Variants in ZNF516 observed in about 807,000 individuals in gnomAD.
The protein encoded by ZNF516 is zinc finger protein 516.
A neutral mutation model predicts 79.7 loss-of-function variants in ZNF516; 19 were observed. The ratio of observed to expected loss-of-function variants is 0.24; its 90% confidence interval spans 0.17 to 0.35. ZNF516 has a LOEUF of 0.35. Among genes scored for constraint, ZNF516 ranks in the 10% least tolerant of loss-of-function variants. The pLI, the probability that ZNF516 is intolerant of heterozygous loss-of-function variation, is 1.00. For missense variants in ZNF516, 1,678 were observed against 1,679.5 expected, an observed-to-expected ratio of 1.00 and a Z score of 0.02; for synonymous variants, 877 against 739.5, an observed-to-expected ratio of 1.19 and a Z score of -3.02.
intron 1 of ZNF516, among the ~76,000 whole-genome samples, chr18:76,476,597 A>C (rs1277686069): frequency 6.6e-6 from 1 of 152,208 alleles, no homozygotes. Flanking sequence ...AGACATCTTA[A>C]AGCATATTAA....
rs144012703 is a variant in ZNF516, at chr18:76,367,448, A to G, written c.3432+3080T>C. Among the ~76,000 whole-genome samples, 245 of 152,308 alleles carry G rather than the reference A, an allele frequency of 1.6e-3. 2 individuals are homozygous for G. Among genetic ancestry groups the G allele is most frequent in the African/African-American group, 5.0e-3 (207 of 41,576 alleles). ...GGCTCTCTATCCCCTGTGGGAAGAAATTCAGAGTCTCAACAAGGAGACCTG... is the reference window on the plus strand; with the variant it reads ...GGCTCTCTATCCCCTGTGGGAAGAAGTTCAGAGTCTCAACAAGGAGACCTG... On this transcript the variant is annotated intron_variant, in intron 6 of 6. Transcript: ENST00000443185.
intron 1 of ZNF516, chr18:76,491,093 C>A: frequency 1.0e-6 from 1 of 985,158 alleles, no homozygotes; most frequent in South Asian, 4.7e-5. Context: ...GTCCTCGGGG[C>A]CACGCCTTTC....
intron 6 of ZNF516, among the ~76,000 whole-genome samples, chr18:76,368,034 TAATG>T (rs1245546045): frequency 3.3e-5 from 5 of 152,098 alleles, no homozygotes; most frequent in Non-Finnish European, 5.9e-5. Flanking sequence ...ATTTAAATAT[TAATG>T]AATGTTAGCA....
At chr18:76,372,751 T>G (rs1343047953) in intron 4 of ZNF516, 1 of 152,246 alleles carries the variant, frequency 6.6e-6, no homozygotes, top group Non-Finnish European at 1.5e-5. Context: ...TGACAGATCA[T>G]TAACATGAAT....
At chr18:76,380,360 G>GA (rs746558239) in intron 3 of ZNF516, 57 bp from the exon 4 acceptor site, 1,508 of 1,576,612 alleles carry the variant, frequency 9.6e-4, no homozygotes, top group Non-Finnish European at 1.2e-3. Flanking sequence ...AACACAGCAA[G>GA]ACACACGGTG....
At chr18:76,383,365 G>T (rs921668597) in intron 3 of ZNF516, among the ~76,000 whole-genome samples, 1 of 151,458 alleles carries the variant, frequency 6.6e-6, no homozygotes, top group Non-Finnish European at 1.5e-5. Context: ...AGGGACCCAG[G>T]ACCCTCTTCT....
At chr18:76,441,077 G>T (rs1437164442) in intron 3 of ZNF516, among the ~76,000 whole-genome samples, 168 bp downstream of exon 3, 1 of 152,218 alleles carries the variant, frequency 6.6e-6, no homozygotes, top group Non-Finnish European at 1.5e-5. Flanking sequence ...GGCCACCCGG[G>T]TGTGGAGTCC....
chr18:76,365,544 T>C (rs976913096), intron 6 of ZNF516, among the ~76,000 whole-genome samples: 2 of 152,280 alleles, frequency 1.3e-5, no homozygotes, highest in African/African-American at 4.8e-5. Flanking sequence ...TGAATGCTGA[T>C]GATTACTAGA....
At chr18:76,464,649 G>T (rs1913341965) in intron 1 of ZNF516, among the ~76,000 whole-genome samples, 1 of 147,262 alleles carries the variant, frequency 6.8e-6, no homozygotes, top group South Asian at 2.2e-4. Flanking sequence ...GGCACCCCCA[G>T]CCTTGTCATT....
chr18:76,427,705 G>C (rs900073534), intron 3 of ZNF516, among the ~76,000 whole-genome samples: 1 of 152,114 alleles, frequency 6.6e-6, no homozygotes, highest in South Asian at 2.1e-4. Context: ...GAAACCAACA[G>C]AACGTATTCA....
Position 76,467,001 on chromosome 18 carries a change from G to A in ZNF516, c.-271-3860C>T, listed in dbSNP as rs1227357949. Among the ~76,000 whole-genome samples, 1 of 152,186 alleles carries A rather than the reference G, an allele frequency of 6.6e-6. No individual in the cohort carries two copies. Among genetic ancestry groups the A allele is most frequent in the African/African-American group, 2.4e-5 (1 of 41,452 alleles). The stretch of plus-strand genomic sequence containing the variant: ...GAGGTGCAGGCAAAGGGCCCTGGGA[G>A]GCAGGGGGGCCCCAGAGAGGCAAAA... On this transcript the variant is annotated intron_variant, in intron 1 of 6. Transcript: ENST00000443185. This position sits in a 1 kb window ranked among gnomAD's most constrained non-coding sequence, Gnocchi z 4.2.
Position 76,441,388 on chromosome 18 carries a change from C to T in ZNF516, c.1667G>A (p.Cys556Tyr). ...CGAGTCACCCTCACTGAGTGATCCGCAGCGGGCCCGCGCCGCCCTGTCCCC... is the reference window on the plus strand; with the variant it reads ...CGAGTCACCCTCACTGAGTGATCCGTAGCGGGCCCGCGCCGCCCTGTCCCC... Reference protein sequence around the residue: ...SDGDRAARARCGSLSEGDSAS... With the variant: ...SDGDRAARARYGSLSEGDSAS... Residue 556 changes from cysteine to tyrosine, a missense_variant, in exon 3 of 7, where the codon TGC becomes TAC. Physicochemically the swap from Cys to Tyr is radical, Grantham distance 194. Coordinates refer to ENST00000443185, the MANE Select transcript of ZNF516 (RefSeq NM_014643.4). 6.2e-7 allele frequency: 1 copy of T among 1,610,082 alleles called. No homozygotes were observed. The highest frequency in any genetic ancestry group is 8.5e-7 in the Non-Finnish European group (1 of 1,178,836).
rs1358173471 is a variant in ZNF516 at position 76,442,280 on chromosome 18, G to T, written c.775C>A (p.Gln259Lys). ...ATGTGCGCCTTCAGGAACCAGGTCT[G>T]GCTGAAGGCCTGGCCACACACCTCG... Reference protein sequence around the residue: ...PCEVCGQAFSQTWFLKAHMKK... With the variant: ...PCEVCGQAFSKTWFLKAHMKK... Residue 259 changes from glutamine to lysine, a missense_variant, in exon 3 of 7, where the codon CAG (glutamine) becomes AAG (lysine). Gln to Lys is a moderately conservative substitution (Grantham distance 53). This residue lies in a region of ZNF516 where 279 missense variants were observed against 254.1 expected (regional missense o/e 1.10). Coordinates refer to ENST00000443185, the MANE Select transcript of ZNF516 (RefSeq NM_014643.4). 1 of 1,613,230 alleles carries T rather than the reference G, an allele frequency of 6.2e-7. No individual in the cohort carries two copies. The highest frequency in any genetic ancestry group is 8.5e-7 in the Non-Finnish European group (1 of 1,179,758).
chr18:76,468,319 C>G (rs1023928374), intron 1 of ZNF516, among the ~76,000 whole-genome samples: 1 of 152,166 alleles, frequency 6.6e-6, no homozygotes, highest in African/African-American at 2.4e-5. Context: ...CCAAGCTTGT[C>G]CAACCCGCGG....
chr18:76,406,762 C>T (rs35007782), intron 3 of ZNF516, among the ~76,000 whole-genome samples: 3,397 of 152,250 alleles, frequency 0.022, 71 homozygotes, highest in Non-Finnish European at 0.03. Context: ...AATAAAATTA[C>T]CCTCTTTCTC....
chr18:76,371,391 G>A (rs564116815), intron 5 of ZNF516, 76 bp downstream of exon 5: 34 of 1,395,120 alleles, frequency 2.4e-5, no homozygotes, highest in African/African-American at 5.7e-5. Context: ...CCCTCGCTGC[G>A]GATGGTCAAG....
chr18:76,459,949 T>C lies in ZNF516; in HGVS notation c.-158+3079A>G, dbSNP rs1912996994. Reference sequence around the variant, plus strand: ...GCAGGTCTGTCTCACCAGTCCCAAATAATGAATCATGTCCACTGCACTAGA... The same window carrying C: ...GCAGGTCTGTCTCACCAGTCCCAAACAATGAATCATGTCCACTGCACTAGA... On this transcript the variant is annotated intron_variant, in intron 2 of 6. Coordinates refer to ENST00000443185, the MANE Select transcript of ZNF516 (RefSeq NM_014643.4). The surrounding 1 kb of genome is among the most constrained non-coding windows in gnomAD (Gnocchi z 5.0). 6.6e-6 allele frequency among the ~76,000 whole-genome samples: 1 copy of C among 152,168 alleles called. No individual in the cohort carries two copies. The highest frequency in any genetic ancestry group is 2.4e-5 in the African/African-American group (1 of 41,436).
chr18:76,427,617 A>T (rs2075612737), intron 3 of ZNF516, among the ~76,000 whole-genome samples: 1 of 152,260 alleles, frequency 6.6e-6, no homozygotes, highest in Non-Finnish European at 1.5e-5. Context: ...GTATATGTAA[A>T]ATCCAAAAAC....
Position 76,385,441 on chromosome 18 carries a change from C to T in ZNF516, c.1811-5138G>A, listed in dbSNP as rs180692773. On this transcript the variant is annotated intron_variant, in intron 3 of 6. Transcript: ENST00000443185. ...GGTGAGGGCACTTTGTATAAAGTTA[C>T]TCCCCTTTCACTTAAAATATTTTTT... 1.8e-4 allele frequency among the ~76,000 whole-genome samples: 27 copies of T among 152,356 alleles called. No individual in the cohort carries two copies. In the East Asian group the frequency reaches 2.9e-3, roughly 16 times the overall value.
Sources: allele counts gnomAD v4.1 joint callset (sites outside exome capture counted in the v4.1 genomes callset), GRCh38; gene constraint gnomAD v4.1.1; regional missense constraint gnomAD v4.1.1; non-coding constraint Gnocchi (gnomAD v3.1); transcripts MANE v1.5; gene names NCBI Gene and HGNC (gene_info 2026-07-23, HGNC 2026-07-21).